The following FLRT1 variants were observed in gnomAD, a reference collection of about 807,000 sequenced individuals.
FLRT1 encodes leucine-rich repeat transmembrane protein FLRT1.
FLRT1 carries 14 observed loss-of-function variants against 30.9 expected under a neutral mutation model. The ratio of observed to expected loss-of-function variants is 0.45; its 90% CI spans 0.30 to 0.71. The LOEUF is 0.71. FLRT1 is among the 30% of genes least tolerant of loss of function. FLRT1 has a pLI of 0.08. For missense variants in FLRT1, 737 were observed against 949.2 expected (o/e 0.78, Z 2.94); for synonymous variants, 368 against 430.4 (o/e 0.85, Z 1.80).
At chr11:64,068,008 GA>G (rs1944037593) in intron 1 of FLRT1, among the ~76,000 whole-genome samples, 2 of 152,128 alleles carry the variant, frequency 1.3e-5, no homozygotes, top group South Asian at 4.1e-4. Context: ...GCTCAGAACG[GA>G]AAACCGCCGG....
At chr11:64,058,544 G>A (rs920950912) in intron 1 of FLRT1, among the ~76,000 whole-genome samples, 1 of 152,260 alleles carries the variant, frequency 6.6e-6, no homozygotes, top group African/African-American at 2.4e-5. Context: ...CCCAGGCCTG[G>A]GAGATGCCAC....
intron 1 of FLRT1, among the ~76,000 whole-genome samples, chr11:64,087,992 G>A (rs1269941027): frequency 3.9e-5 from 6 of 152,190 alleles, no homozygotes; most frequent in Non-Finnish European, 7.4e-5. Context: ...GGAGGGCCTC[G>A]AGAGGGGCTG....
chr11:64,113,360 T>TGATGGATG (rs1191481891), intron 2 of FLRT1, among the ~76,000 whole-genome samples: 18 of 152,078 alleles, frequency 1.2e-4, no homozygotes, highest in Non-Finnish European at 2.5e-4. Flanking sequence ...GTTGGATGCA[T>TGATGGATG]GATGGATGGA....
In FLRT1 at chr11:64,096,259, A is replaced by T. The variant is rs1415347429; in HGVS notation, c.-1037-6935A>T. ...ACTGTTCTGCCGACAAAAGCAGGCC[A>T]ATTTCCTGAAAGAAGAGGTTCCGGC... On this transcript the variant is annotated intron_variant, in intron 1 of 2. Transcript: ENST00000682287. This position sits in a 1 kb window ranked among gnomAD's most constrained non-coding sequence, Gnocchi z 4.6. Among the ~76,000 whole-genome samples, 1 of 152,180 alleles carries T rather than the reference A, an allele frequency of 6.6e-6. No individual in the cohort carries two copies. Among genetic ancestry groups the T allele is most frequent in the African/African-American group, 2.4e-5 (1 of 41,446 alleles).
At chr11:64,077,003 G>A (rs1379781319) in intron 1 of FLRT1, among the ~76,000 whole-genome samples, 2 of 151,980 alleles carry the variant, frequency 1.3e-5, no homozygotes, top group Non-Finnish European at 2.9e-5. Flanking sequence ...GGGAGCTGTC[G>A]CTAGGCCCTT....
rs1945023545 is a variant in FLRT1, at chr11:64,117,981, G to T, written c.1714G>T (p.Ala572Ser). The change falls in exon 3 of 3, where the codon GCC becomes TCC. Residue 572 changes from alanine (A) to serine (S), a missense_variant. Transcript: ENST00000682287. ...GGTCTTCCTCTTCCTGGTCCTGGGGGCCATCTGCTGGTACGTGCACCAGGC... is the reference window on the plus strand; with the variant it reads ...GGTCTTCCTCTTCCTGGTCCTGGGGTCCATCTGCTGGTACGTGCACCAGGC... ...ALVFLFLVLG[A>S]ICWYVHQAGE... 1.9e-6 allele frequency: 3 copies of T among 1,613,750 alleles called. No individual in the cohort carries two copies. Among genetic ancestry groups the T allele is most frequent in the Non-Finnish European group, 2.5e-6 (3 of 1,179,996 alleles).
intron 1 of FLRT1, among the ~76,000 whole-genome samples, chr11:64,040,104 G>A (rs73498121): frequency 0.05 from 7,635 of 152,346 alleles, 241 homozygotes; most frequent in South Asian, 0.12. Context: ...TGGGCTCTGG[G>A]ACAAAAGTGG....
intron 1 of FLRT1, among the ~76,000 whole-genome samples, chr11:64,094,385 C>T (rs1944540308): frequency 6.6e-6 from 1 of 151,136 alleles, no homozygotes; most frequent in South Asian, 2.1e-4. Context: ...GAGCTGAGAT[C>T]ATGCCACTGC....
intron 1 of FLRT1, among the ~76,000 whole-genome samples, chr11:64,097,894 G>T (rs972071140): frequency 6.6e-6 from 1 of 152,180 alleles, no homozygotes; most frequent in Admixed American, 6.5e-5. Context: ...GGCTCTCTTG[G>T]TGGTGCTCCT....
At chr11:64,110,035 C>T (rs1944832533) in intron 2 of FLRT1, among the ~76,000 whole-genome samples, 1 of 152,120 alleles carries the variant, frequency 6.6e-6, no homozygotes, top group South Asian at 2.1e-4. Flanking sequence ...GGAGGGGGTA[C>T]TCTGCACATA....
At chr11:64,061,209 C>A (rs997230540) in intron 1 of FLRT1, among the ~76,000 whole-genome samples, 1 of 152,242 alleles carries the variant, frequency 6.6e-6, no homozygotes, top group Non-Finnish European at 1.5e-5. Context: ...CCGCTTCTAA[C>A]CCCTGTAATA....
At chr11:64,074,519 C>T (rs964918951) in intron 1 of FLRT1, among the ~76,000 whole-genome samples, 1 of 152,222 alleles carries the variant, frequency 6.6e-6, no homozygotes, top group Admixed American at 6.5e-5. Context: ...CAGTTTCTGG[C>T]CTAAGGTCAC....
chr11:64,045,293 G>C (rs1310839371), intron 1 of FLRT1, among the ~76,000 whole-genome samples: 1 of 152,242 alleles, frequency 6.6e-6, no homozygotes, highest in Non-Finnish European at 1.5e-5. Flanking sequence ...ATCTCCATTA[G>C]GGCCCCTGAG....
At chr11:64,055,776 C>A (rs956649239) in intron 1 of FLRT1, among the ~76,000 whole-genome samples, 1 of 152,146 alleles carries the variant, frequency 6.6e-6, no homozygotes, top group Non-Finnish European at 1.5e-5. Context: ...GCCTCAGTTT[C>A]CCCTTTCATA....
intron 1 of FLRT1, among the ~76,000 whole-genome samples, chr11:64,095,599 C>T (rs921337401): frequency 6.6e-6 from 1 of 152,186 alleles, no homozygotes; most frequent in East Asian, 1.9e-4. Flanking sequence ...CTAGTGGATG[C>T]TTCTGGAAGG....
chr11:64,050,726 C>G (rs1162759519), intron 1 of FLRT1, among the ~76,000 whole-genome samples: 1 of 152,240 alleles, frequency 6.6e-6, no homozygotes, highest in East Asian at 1.9e-4. Flanking sequence ...TCAAGCGATT[C>G]TCCTGCCTCA....
intron 1 of FLRT1, among the ~76,000 whole-genome samples, chr11:64,047,765 C>A (rs1943612048): frequency 6.6e-6 from 1 of 151,976 alleles, no homozygotes. Context: ...GGCATGGTGG[C>A]AGGTGCCTGT....
intron 2 of FLRT1, among the ~76,000 whole-genome samples, chr11:64,110,021 C>G (rs940194857): frequency 3.3e-5 from 5 of 152,088 alleles, no homozygotes; most frequent in African/African-American, 9.7e-5. Flanking sequence ...CCAGATCACA[C>G]TCAGGAGGGG....
chr11:64,083,622 T>C (rs1165450747), intron 1 of FLRT1, among the ~76,000 whole-genome samples: 1 of 152,058 alleles, frequency 6.6e-6, no homozygotes, highest in Non-Finnish European at 1.5e-5. Context: ...TAAATAAGCA[T>C]GTAAGTGAGT....
Sources: gnomAD v4.1 joint callset for allele counts (sites outside exome capture counted in the v4.1 genomes callset) on GRCh38, gnomAD v4.1.1 for gene constraint, Gnocchi (gnomAD v3.1) non-coding constraint, MANE v1.5 for transcripts, NCBI Gene and HGNC (gene_info 2026-07-23, HGNC 2026-07-21) for gene names.